Variants in MTMR10 observed in about 807,000 individuals in gnomAD.
MTMR10 encodes myotubularin-related protein 10.
A neutral mutation model predicts 88.1 loss-of-function variants in MTMR10; 56 were observed. That is an observed-to-expected ratio of 0.64 (90% CI 0.51 to 0.79). MTMR10 has a LOEUF of 0.79. Ranked by LOEUF, MTMR10 falls within the 30% of genes least tolerant of loss-of-function variation. MTMR10 has a pLI of 0.00. For missense variants in MTMR10, 883 were observed against 924.7 expected (o/e 0.95, Z 0.58); for synonymous variants, 380 against 340.9 (o/e 1.11, Z -1.26).
intron 12 of MTMR10, chr15:30,949,382 TAAAA>T (rs2063212693): frequency 6.6e-6 from 1 of 151,872 alleles, no homozygotes; most frequent in African/African-American, 2.4e-5. Flanking sequence ...AAAAAGAAAA[TAAAA>T]GGCATTCAGA....
chr15:30,927,902 C>G, the MTMR10 span: 1 of 985,782 alleles, frequency 1.0e-6, no homozygotes, highest in African/African-American at 1.7e-5. Flanking sequence ...ACTTCTGTCT[C>G]TCAGGTCATC....
At chr15:30,951,938 C>T in intron 12 of MTMR10, 30 bp downstream of exon 12, 1 of 1,584,728 alleles carries the variant, frequency 6.3e-7, no homozygotes. Context: ...GTATGGTGGT[C>T]ATGGTGCTTT....
At chr15:30,925,115 G>T in the MTMR10 span, 1 of 1,605,446 alleles carries the variant, frequency 6.2e-7, no homozygotes. Flanking sequence ...GTGTGACCAT[G>T]CTCTCTGCCA....
chr15:30,941,155 G>A lies in MTMR10; in HGVS notation c.*315C>T. 1.8e-6 allele frequency: 2 copies of A among 1,129,732 alleles called. No individual in the cohort carries two copies. Among genetic ancestry groups the A allele is most frequent in the African/African-American group, 1.6e-5 (1 of 61,088 alleles). The allele number at this position is 1,129,732 out of a possible 1,614,324, so 70.0% of individuals were successfully genotyped here. On this transcript the variant is annotated 3_prime_UTR_variant, in exon 16 of 16. Coordinates refer to ENST00000435680, the MANE Select transcript of MTMR10 (RefSeq NM_017762.3). ...GCTGCCTGGGGCTGCTAATGTGACT[G>A]ACTATCAGATAGCCTTCAGGAGGTG...
chr15:30,966,327 A>T (rs1265723094), intron 6 of MTMR10, among the ~76,000 whole-genome samples: 1 of 152,238 alleles, frequency 6.6e-6, no homozygotes. Flanking sequence ...CAAGGTATGA[A>T]TGAAGAAAAA....
intron 14 of MTMR10, chr15:30,943,407 A>G (rs541985410): frequency 6.1e-6 from 6 of 984,680 alleles, no homozygotes; most frequent in Non-Finnish European, 7.2e-6. Flanking sequence ...TATTTCTATA[A>G]TTACAGTATT....
chr15:30,940,765 ATT>A lies in MTMR10; in HGVS notation c.*703_*704del, dbSNP rs1375711309. 1.0e-6 allele frequency: 1 copy of A among 988,566 alleles called. No individual in the cohort carries two copies. Among genetic ancestry groups the A allele is most frequent in the East Asian group, 1.1e-4 (1 of 8,886 alleles). 61.2% of individuals were successfully genotyped at this position (988,566 alleles called of 1,614,324 possible). A position where few individuals can be genotyped will look rare whatever the true frequency, so the allele number is the denominator to read the frequency against. Reference sequence around the variant, plus strand: ...TATGCAATGGGATTTTCCCACCCCAATTTTAAAAAGTGAAATTATATTTTCTT... The same window carrying A: ...TATGCAATGGGATTTTCCCACCCCAATTAAAAAGTGAAATTATATTTTCTT... On this transcript the variant is annotated 3_prime_UTR_variant, in exon 16 of 16. Transcript: ENST00000435680.
At chr15:30,953,020 C>T (rs1306161183) in intron 11 of MTMR10, among the ~76,000 whole-genome samples, 1 of 152,132 alleles carries the variant, frequency 6.6e-6, no homozygotes, top group Non-Finnish European at 1.5e-5. Flanking sequence ...GAACTCCTGA[C>T]CTCAGGTGAG....
At chr15:30,928,325 T>A in the MTMR10 span, 1 of 1,300,876 alleles carries the variant, frequency 7.7e-7, no homozygotes, top group Non-Finnish European at 9.7e-7. Flanking sequence ...TGAATTTTTC[T>A]ATGATTACTA....
At chr15:30,926,007 G>A in the MTMR10 span, 1 of 1,507,314 alleles carries the variant, frequency 6.6e-7, no homozygotes, top group Non-Finnish European at 9.2e-7. Context: ...TGGATGGGCT[G>A]TCAGCAGTGG....
At chr15:30,925,320 A>G in the MTMR10 span, 2 of 1,600,022 alleles carry the variant, frequency 1.2e-6, no homozygotes, top group Non-Finnish European at 1.7e-6. Flanking sequence ...GGTGCTTTGG[A>G]CTTAGGCGCG....
chr15:30,961,994 T>C (rs1430715807), intron 6 of MTMR10, among the ~76,000 whole-genome samples: 2 of 152,252 alleles, frequency 1.3e-5, no homozygotes, highest in Non-Finnish European at 2.9e-5. Flanking sequence ...ATTTTTCTAA[T>C]ACCAACTTCT....
chr15:30,938,510 T>C (rs2062931800), downstream of MTMR10, among the ~76,000 whole-genome samples: 1 of 152,048 alleles, frequency 6.6e-6, no homozygotes, highest in Non-Finnish European at 1.5e-5. Context: ...AATAACTAGA[T>C]AGGGGTATTT....
intron 5 of MTMR10, among the ~76,000 whole-genome samples, chr15:30,969,909 T>C (rs35548985): frequency 0.026 from 4,030 of 152,254 alleles, 71 homozygotes; most frequent in Middle Eastern, 0.051. Context: ...CTATGCTTTC[T>C]TGGAAACTGT....
chr15:30,970,410 GAGA>G (rs750704887), intron 5 of MTMR10, among the ~76,000 whole-genome samples: 2 of 152,132 alleles, frequency 1.3e-5, no homozygotes, highest in Non-Finnish European at 2.9e-5. Flanking sequence ...CTAAAAAGTA[GAGA>G]AGGAGACCAA....
chr15:30,931,006 A>G, the MTMR10 span, among the ~76,000 whole-genome samples: 2 of 152,182 alleles, frequency 1.3e-5, no homozygotes, highest in African/African-American at 4.8e-5. Context: ...GGGTGTGGAC[A>G]CCAGGAGCTA....
At chr15:30,925,427 C>A in the MTMR10 span, 1 of 868,946 alleles carries the variant, frequency 1.2e-6, no homozygotes, top group Non-Finnish European at 1.7e-6. Context: ...TTTTGGACGG[C>A]TGTGTGGCCA....
chr15:30,954,489 C>A (rs1259601431), intron 10 of MTMR10, among the ~76,000 whole-genome samples: 1 of 152,166 alleles, frequency 6.6e-6, no homozygotes, highest in Non-Finnish European at 1.5e-5. Context: ...TTCTACTCAG[C>A]AAATGCTTTT....
intron 14 of MTMR10, among the ~76,000 whole-genome samples, chr15:30,944,801 A>G (rs369845073): frequency 6.6e-6 from 1 of 151,996 alleles, no homozygotes; most frequent in African/African-American, 2.4e-5. Context: ...GCTTGAGTCC[A>G]GGAGTTCAAG....
Sources: gnomAD v4.1 joint callset for allele counts (sites outside exome capture counted in the v4.1 genomes callset) on GRCh38, gnomAD v4.1.1 for gene constraint, MANE v1.5 for transcripts, NCBI Gene and HGNC (gene_info 2026-07-23, HGNC 2026-07-21) for gene names.